GABBR2: variants seen among roughly 807,000 people sequenced by gnomAD.
The protein encoded by GABBR2 is gamma-aminobutyric acid type B receptor subunit 2.
GABBR2 carries 23 observed loss-of-function variants against 105.6 expected under a neutral mutation model. The ratio of observed to expected loss-of-function variants is 0.22; its 90% confidence interval spans 0.16 to 0.31. The LOEUF (loss-of-function observed/expected upper bound fraction) is 0.31. GABBR2 is among the 10% of genes least tolerant of loss of function. GABBR2 has a pLI of 1.00. For missense variants in GABBR2, 734 were observed against 1,245.5 expected, an observed-to-expected ratio of 0.59 and a Z score of 6.18; for synonymous variants, 478 against 499.7, an observed-to-expected ratio of 0.96 and a Z score of 0.58.
intron 4 of GABBR2, among the ~76,000 whole-genome samples, chr9:98,481,823 A>T (rs1038054025): frequency 6.6e-6 from 1 of 152,236 alleles, no homozygotes; most frequent in African/African-American, 2.4e-5. Flanking sequence ...ATGGGATTAC[A>T]TTCATTATCT....
At chr9:98,399,135 C>T (rs1200220646) in intron 8 of GABBR2, among the ~76,000 whole-genome samples, 3 of 152,060 alleles carry the variant, frequency 2.0e-5, no homozygotes, top group African/African-American at 7.2e-5. Context: ...GTGGGCAGAT[C>T]ATGAGGTCAG....
intron 8 of GABBR2, among the ~76,000 whole-genome samples, chr9:98,396,826 A>G (rs1468225980): frequency 6.6e-6 from 1 of 152,182 alleles, no homozygotes; most frequent in Non-Finnish European, 1.5e-5. Flanking sequence ...TCTGACTCAC[A>G]TACGCTGCTG....
chr9:98,660,481 C>A (rs891168187), intron 1 of GABBR2, among the ~76,000 whole-genome samples: 1 of 152,180 alleles, frequency 6.6e-6, no homozygotes, highest in Admixed American at 6.5e-5. Context: ...GACTAAGTTC[C>A]ACATTTTTAA....
intron 8 of GABBR2, among the ~76,000 whole-genome samples, chr9:98,397,838 G>A (rs143450913): frequency 2.6e-5 from 4 of 152,288 alleles, no homozygotes; most frequent in East Asian, 1.9e-4. Flanking sequence ...TGTGTCCAGG[G>A]CTTCTGATTC....
intron 7 of GABBR2, among the ~76,000 whole-genome samples, chr9:98,426,325 G>T (rs1825684057): frequency 6.6e-6 from 1 of 152,218 alleles, no homozygotes; most frequent in Non-Finnish European, 1.5e-5. Context: ...TCCCAAGATG[G>T]CATGCTGGCT....
intron 8 of GABBR2, among the ~76,000 whole-genome samples, chr9:98,402,173 A>G (rs1156389698): frequency 1.3e-5 from 2 of 152,100 alleles, no homozygotes; most frequent in East Asian, 1.9e-4. Context: ...AAATAGGCCT[A>G]ATGAAGGCAG....
chr9:98,338,145 G>C (rs963384888), intron 13 of GABBR2, among the ~76,000 whole-genome samples: 1 of 152,198 alleles, frequency 6.6e-6, no homozygotes, highest in Non-Finnish European at 1.5e-5. Flanking sequence ...ATACCTAAAT[G>C]TAAGAACAAA....
chr9:98,428,470 G>A (rs912971116), intron 7 of GABBR2, among the ~76,000 whole-genome samples: 8 of 152,188 alleles, frequency 5.3e-5, no homozygotes, highest in Non-Finnish European at 1.2e-4. Context: ...GACAGGGGAT[G>A]TCATCATGGG....
intron 3 of GABBR2, among the ~76,000 whole-genome samples, chr9:98,521,378 A>G (rs1350652718): frequency 2.0e-5 from 3 of 152,126 alleles, no homozygotes; most frequent in African/African-American, 7.2e-5. Context: ...GTGAGTAAGT[A>G]CTGGAGGGGA....
intron 18 of GABBR2, among the ~76,000 whole-genome samples, chr9:98,292,764 G>A (rs1327847342): frequency 6.6e-6 from 1 of 152,246 alleles, no homozygotes; most frequent in Non-Finnish European, 1.5e-5. Flanking sequence ...GGTTGTCAGA[G>A]CATTCTTCTG....
In GABBR2 at chr9:98,414,377, T is replaced by C. The variant is rs1490787986; in HGVS notation, c.1237-8236A>G. ...AAAGAGATTGGGAAATCCAAGGACCTGAAACAGTGCCGATAAAGCTGTAAA... is the reference window on the plus strand; with the variant it reads ...AAAGAGATTGGGAAATCCAAGGACCCGAAACAGTGCCGATAAAGCTGTAAA... On this transcript the variant is annotated intron_variant, in intron 7 of 18. Transcript: ENST00000259455. Among the ~76,000 whole-genome samples the C allele has an allele frequency of 3.3e-5, 5 of 152,188 alleles. No individual in the cohort carries two copies. In the South Asian group the frequency reaches 1.0e-3, roughly 32 times the overall value.
intron 14 of GABBR2, among the ~76,000 whole-genome samples, chr9:98,307,639 T>TTGGC (rs1449793014): frequency 2.6e-5 from 4 of 152,172 alleles, no homozygotes; most frequent in Non-Finnish European, 5.9e-5. Flanking sequence ...CTGCCATCTG[T>TTGGC]TGGCTGGGTG....
intron 2 of GABBR2, among the ~76,000 whole-genome samples, chr9:98,565,236 A>C (rs1230221659): frequency 6.6e-6 from 1 of 151,422 alleles, no homozygotes; most frequent in Non-Finnish European, 1.5e-5. Flanking sequence ...TTAAAGCTGA[A>C]GGCCTGGCAC....
At position 98,388,764 on chromosome 9, in the gene GABBR2, G is replaced by C. The variant is rs1832124118; in HGVS notation, c.1529+90C>G. 2 of 1,050,498 alleles carry C rather than the reference G, an allele frequency of 1.9e-6. No individual in the cohort carries two copies. The highest frequency in any genetic ancestry group is 4.9e-5 in the East Asian group (2 of 40,722). The allele number at this position is 1,050,498 out of a possible 1,614,324, so 65.1% of individuals were successfully genotyped here. On this transcript the variant is annotated intron_variant, in intron 10 of 18. Transcript: ENST00000259455. The surrounding 1 kb of genome is among the most constrained non-coding windows in gnomAD (Gnocchi z 4.4). The stretch of plus-strand genomic sequence containing the variant: ...CTGCCCTGCAGACTTCTGTGTCCCT[G>C]GGGAATCTGTCATGTGGCACTCCTA...
chr9:98,444,061 C>T (rs530255189), intron 7 of GABBR2, among the ~76,000 whole-genome samples: 18 of 152,210 alleles, frequency 1.2e-4, no homozygotes, highest in African/African-American at 4.3e-4. Context: ...CACTTACTAC[C>T]TGAAGGATCC....
intron 16 of GABBR2, among the ~76,000 whole-genome samples, chr9:98,299,816 G>A (rs1830439888): frequency 6.6e-6 from 1 of 152,076 alleles, no homozygotes. Context: ...GATAATACAT[G>A]GAAAGTTTAG....
At position 98,690,649 on chromosome 9, in the gene GABBR2, G is replaced by C. The variant is rs145526858; in HGVS notation, c.321+17768C>G. Among the ~76,000 whole-genome samples, 791 of 152,224 alleles carry C rather than the reference G, an allele frequency of 5.2e-3. 11 individuals are homozygous for C. Among genetic ancestry groups the C allele is most frequent in the African/African-American group, 0.019 (770 of 41,524 alleles). On this transcript the variant is annotated intron_variant, in intron 1 of 18. Coordinates refer to ENST00000259455, the MANE Select transcript of GABBR2 (RefSeq NM_005458.8). ...CCAAGACCATGATCCTCTCAAGAGG[G>C]GCTGATTAATCCCTAGAATCCAGAA...
rs117276911 is a variant in GABBR2 at position 98,494,354 on chromosome 9, G to A, written c.732+2059C>T. 2.5e-4 allele frequency among the ~76,000 whole-genome samples: 38 copies of A among 152,258 alleles called. No homozygotes were observed. In the East Asian group the frequency reaches 6.4e-3, roughly 26 times the overall value. ...AAATAAAGTGTTCAGGGAAAGCCTC[G>A]GGGAGAAGGGGATGACTGGACAAAG... On this transcript the variant is annotated intron_variant, in intron 4 of 18. Transcript: ENST00000259455.
intron 2 of GABBR2, among the ~76,000 whole-genome samples, chr9:98,575,053 C>T (rs1828887304): frequency 6.7e-6 from 1 of 150,222 alleles, no homozygotes; most frequent in South Asian, 2.1e-4. Flanking sequence ...AGCTCACAGC[C>T]CAGCTGGAGA....
Sources: allele counts gnomAD v4.1 joint callset (sites outside exome capture counted in the v4.1 genomes callset), GRCh38; gene constraint gnomAD v4.1.1; non-coding constraint Gnocchi (gnomAD v3.1); transcripts MANE v1.5; gene names NCBI Gene and HGNC (gene_info 2026-07-23, HGNC 2026-07-21).